The following LRFN2 variants were observed in gnomAD, a reference collection of about 807,000 sequenced individuals.
The protein encoded by LRFN2 is leucine-rich repeat and fibronectin type-III domain-containing protein 2.
A neutral mutation model predicts 37.3 loss-of-function variants in LRFN2; 18 were observed. The observed-to-expected ratio is 0.48, with a 90% CI of 0.33 to 0.72. The LOEUF is 0.72. Ranked by LOEUF, LRFN2 falls within the 30% of genes least tolerant of loss-of-function variation. The probability of loss-of-function intolerance (pLI) is 0.02; values close to 1 mark genes in which losing one functional copy is unlikely to be tolerated. For missense variants in LRFN2, 1,006 were observed against 1,060.7 expected, an observed-to-expected ratio of 0.95 and a Z score of 0.72; for synonymous variants, 556 against 466.6, an observed-to-expected ratio of 1.19 and a Z score of -2.47.
chr6:40,441,872 G>T (rs750579417), intron 1 of LRFN2, among the ~76,000 whole-genome samples: 9 of 152,140 alleles, frequency 5.9e-5, no homozygotes, highest in East Asian at 1.9e-4. Context: ...CTCAAGCAAG[G>T]CTCCAACCCT....
At chr6:40,433,832 T>G (rs921076916) in intron 1 of LRFN2, among the ~76,000 whole-genome samples, 1 of 152,086 alleles carries the variant, frequency 6.6e-6, no homozygotes, top group Non-Finnish European at 1.5e-5. Flanking sequence ...AAGGAGTGAA[T>G]TCTGAACCCT....
intron 1 of LRFN2, among the ~76,000 whole-genome samples, chr6:40,509,892 T>C (rs1241150492): frequency 9.9e-6 from 1 of 101,406 alleles, no homozygotes; most frequent in African/African-American, 3.9e-5. Flanking sequence ...GCGTAGGTAG[T>C]GGGGGTGAGT....
intron 1 of LRFN2, among the ~76,000 whole-genome samples, chr6:40,473,615 G>T (rs921277410): frequency 6.6e-6 from 1 of 152,160 alleles, no homozygotes; most frequent in South Asian, 2.1e-4. Context: ...TGTGCAGAAC[G>T]TGCAGGTTTG....
At chr6:40,497,189 G>T (rs777573208) in intron 1 of LRFN2, among the ~76,000 whole-genome samples, 1 of 152,090 alleles carries the variant, frequency 6.6e-6, no homozygotes, top group Non-Finnish European at 1.5e-5. Flanking sequence ...CTGCTTCCAC[G>T]TTTGCCTCTG....
At chr6:40,529,703 T>G (rs1011856018) in intron 1 of LRFN2, among the ~76,000 whole-genome samples, 2 of 152,208 alleles carry the variant, frequency 1.3e-5, no homozygotes, top group Non-Finnish European at 2.9e-5. Flanking sequence ...GCTCTGTTGC[T>G]TATTAGCTGA....
At chr6:40,445,246 C>T (rs1043774229) in intron 1 of LRFN2, among the ~76,000 whole-genome samples, 1 of 152,198 alleles carries the variant, frequency 6.6e-6, no homozygotes, top group South Asian at 2.1e-4. Context: ...TTAAGCCATT[C>T]AATAATGCAG....
chr6:40,477,563 C>T (rs1363157767), intron 1 of LRFN2, among the ~76,000 whole-genome samples: 2 of 152,190 alleles, frequency 1.3e-5, no homozygotes, highest in Non-Finnish European at 1.5e-5. Flanking sequence ...AAATGAGGCT[C>T]CAGAATGGCG....
At chr6:40,437,863 C>T (rs1192115724) in intron 1 of LRFN2, among the ~76,000 whole-genome samples, 2 of 152,128 alleles carry the variant, frequency 1.3e-5, no homozygotes, top group Non-Finnish European at 2.9e-5. Context: ...GGAGAGGAAC[C>T]AGGATATCCT....
intron 1 of LRFN2, among the ~76,000 whole-genome samples, chr6:40,575,146 G>A (rs1207797309): frequency 6.6e-6 from 1 of 152,092 alleles, no homozygotes; most frequent in Non-Finnish European, 1.5e-5. Flanking sequence ...CAGGAACCAG[G>A]CATCTCAGAC....
intron 1 of LRFN2, among the ~76,000 whole-genome samples, chr6:40,582,675 T>G (rs974543933): frequency 6.7e-6 from 1 of 148,968 alleles, no homozygotes; most frequent in African/African-American, 2.5e-5. Flanking sequence ...CCCCATACCT[T>G]CTATACAACC....
intron 1 of LRFN2, among the ~76,000 whole-genome samples, chr6:40,507,954 C>T (rs77224137): frequency 3.9e-5 from 6 of 152,258 alleles, no homozygotes; most frequent in African/African-American, 1.4e-4. Flanking sequence ...TAGCTGTCCT[C>T]AAGGTGGGAG....
At chr6:40,512,300 C>T (rs1227423310) in intron 1 of LRFN2, among the ~76,000 whole-genome samples, 2 of 152,220 alleles carry the variant, frequency 1.3e-5, no homozygotes, top group Non-Finnish European at 2.9e-5. Context: ...GTGGATAACA[C>T]TGCCACATTC....
chr6:40,483,990 G>A (rs529692864), intron 1 of LRFN2, among the ~76,000 whole-genome samples: 78 of 152,184 alleles, frequency 5.1e-4, no homozygotes, highest in African/African-American at 1.5e-3. Flanking sequence ...CCAGGAGTGC[G>A]GGCTGTCTTA....
chr6:40,545,703 G>T (rs1175060269), intron 1 of LRFN2, among the ~76,000 whole-genome samples: 1 of 152,012 alleles, frequency 6.6e-6, no homozygotes, highest in Non-Finnish European at 1.5e-5. Context: ...AGAGAAGTAA[G>T]GGAGCAGAGA....
In LRFN2 at chr6:40,496,946, C is replaced by G. The variant is rs1037258211; in HGVS notation, c.-18-63815G>C. Among the ~76,000 whole-genome samples, 37 of 152,098 alleles carry G rather than the reference C, an allele frequency of 2.4e-4. 1 individual carries two copies. The highest frequency in any genetic ancestry group is 1.0e-4 in the Non-Finnish European group (7 of 68,032). ...GAAAATCCAGTTAATTACTCAGTGC[C>G]TTCCCTATCTATAATGTAAGGGTTC... On this transcript the variant is annotated intron_variant, in intron 1 of 2. Coordinates refer to ENST00000338305, the MANE Select transcript of LRFN2 (RefSeq NM_020737.3).
chr6:40,562,827 G>GCA (rs1475976500), intron 1 of LRFN2, among the ~76,000 whole-genome samples: 376 of 148,090 alleles, frequency 2.5e-3, no homozygotes, highest in Non-Finnish European at 3.7e-3. Flanking sequence ...TTATGTGCGT[G>GCA]CACTCACTCA....
At chr6:40,509,176 C>A (rs958320101) in intron 1 of LRFN2, among the ~76,000 whole-genome samples, 6 of 152,248 alleles carry the variant, frequency 3.9e-5, no homozygotes, top group African/African-American at 1.4e-4. Flanking sequence ...ATGACACACT[C>A]CACATAACTT....
In LRFN2 at chr6:40,435,169, G is replaced by A. The variant is rs1763634029; in HGVS notation, c.-18-2038C>T. 2.0e-5 allele frequency among the ~76,000 whole-genome samples: 3 copies of A among 148,418 alleles called. No individual in the cohort carries two copies. The Admixed American group carries it at 2.0e-4, about 10-fold the overall frequency. ...ATATATATACAGAGAGAGAGAGAGA[G>A]AGAGAGAGAGAGACAGATTCTTGCT... On this transcript the variant is annotated intron_variant, in intron 1 of 2. Transcript: ENST00000338305.
At chr6:40,566,761 C>T (rs1767097732) in intron 1 of LRFN2, among the ~76,000 whole-genome samples, 1 of 151,614 alleles carries the variant, frequency 6.6e-6, no homozygotes, top group Non-Finnish European at 1.5e-5. Context: ...GGAGGAATAG[C>T]ATTAGGAGAT....
Sources: gnomAD v4.1 joint callset for allele counts (sites outside exome capture counted in the v4.1 genomes callset) on GRCh38, gnomAD v4.1.1 for gene constraint, MANE v1.5 for transcripts, NCBI Gene and HGNC (gene_info 2026-07-23, HGNC 2026-07-21) for gene names.